GRM8: variants seen among roughly 807,000 people sequenced by gnomAD.
GRM8 encodes the protein metabotropic glutamate receptor 8.
A neutral mutation model predicts 87.2 loss-of-function variants in GRM8; 47 were observed. That is an observed-to-expected ratio of 0.54 (90% CI 0.43 to 0.69). The LOEUF (loss-of-function observed/expected upper bound fraction) is 0.69. Among genes scored for constraint, GRM8 ranks in the 30% least tolerant of loss-of-function variants. The pLI is 0.00. For missense variants in GRM8, 1,019 were observed against 1,139.2 expected (o/e 0.89, Z 1.52); for synonymous variants, 396 against 404.5 (o/e 0.98, Z 0.25).
intron 7 of GRM8, among the ~76,000 whole-genome samples, chr7:126,689,500 A>G (rs1808564839): frequency 6.6e-6 from 1 of 152,218 alleles, no homozygotes; most frequent in African/African-American, 2.4e-5. Context: ...AGTAGCCTCA[A>G]TTTCTCAACT....
intron 3 of GRM8, among the ~76,000 whole-genome samples, chr7:127,021,375 T>C (rs911799279): frequency 7.1e-6 from 1 of 140,368 alleles, no homozygotes; most frequent in Non-Finnish European, 1.5e-5. Flanking sequence ...CTCAGAAATA[T>C]AATAAGCCCA....
chr7:127,008,627 T>C (rs934706235), intron 3 of GRM8, among the ~76,000 whole-genome samples: 1 of 152,134 alleles, frequency 6.6e-6, no homozygotes, highest in African/African-American at 2.4e-5. Context: ...CTTGTTTTTG[T>C]CTTGTAATGG....
chr7:126,888,988 C>T (rs1160681697), intron 6 of GRM8, among the ~76,000 whole-genome samples: 1 of 152,092 alleles, frequency 6.6e-6, no homozygotes, highest in Non-Finnish European at 1.5e-5. Context: ...AATGACATCA[C>T]CTATTTGTCA....
chr7:127,040,739 T>G (rs1297265996), intron 3 of GRM8, among the ~76,000 whole-genome samples: 2 of 152,052 alleles, frequency 1.3e-5, no homozygotes, highest in African/African-American at 4.8e-5. Flanking sequence ...GTGTTGGGAG[T>G]TTGGTCCCAA....
intron 8 of GRM8, among the ~76,000 whole-genome samples, chr7:126,545,986 C>G (rs952390346): frequency 3.9e-5 from 6 of 152,078 alleles, no homozygotes; most frequent in Non-Finnish European, 8.8e-5. Context: ...TATGACTCAA[C>G]GTTCATTTAA....
intron 3 of GRM8, among the ~76,000 whole-genome samples, chr7:127,051,344 CAA>C (rs11311935): frequency 1.3e-5 from 2 of 150,856 alleles, no homozygotes; most frequent in African/African-American, 2.4e-5. Context: ...CCCTTCGTGG[CAA>C]AAAAAAAACC....
intron 10 of GRM8, among the ~76,000 whole-genome samples, chr7:126,441,045 T>C (rs1801418091): frequency 6.6e-6 from 1 of 152,022 alleles, no homozygotes; most frequent in Non-Finnish European, 1.5e-5. Flanking sequence ...TAAAAAATAT[T>C]TTTTACTACC....
At chr7:126,506,376 T>C (rs530862211) in intron 9 of GRM8, among the ~76,000 whole-genome samples, 2 of 152,110 alleles carry the variant, frequency 1.3e-5, no homozygotes, top group African/African-American at 4.8e-5. Flanking sequence ...CCTACAAAAC[T>C]CTTACCTTCA....
intron 7 of GRM8, among the ~76,000 whole-genome samples, chr7:126,625,054 A>G (rs1419489): frequency 0.32 from 48,663 of 152,036 alleles, 8,411 homozygotes; most frequent in East Asian, 0.43. Flanking sequence ...TAACATCCAA[A>G]TATCTAGTGA....
intron 3 of GRM8, among the ~76,000 whole-genome samples, chr7:127,086,257 C>T (rs751804098): frequency 1.1e-4 from 17 of 152,162 alleles, no homozygotes; most frequent in Admixed American, 7.2e-4. Flanking sequence ...CACGCCACCA[C>T]ACCCATCTAA....
chr7:126,797,923 G>A (rs1464152782), intron 6 of GRM8, among the ~76,000 whole-genome samples: 1 of 151,988 alleles, frequency 6.6e-6, no homozygotes, highest in African/African-American at 2.4e-5. Context: ...GTAAGATGGA[G>A]ACAACAAATA....
intron 3 of GRM8, among the ~76,000 whole-genome samples, chr7:127,071,262 A>T (rs2299529): frequency 0.35 from 52,743 of 152,078 alleles, 9,582 homozygotes; most frequent in Non-Finnish European, 0.41. Flanking sequence ...AAACGGAATC[A>T]CAAAAGATTT....
chr7:126,928,081 C>T (rs112047617), intron 3 of GRM8, among the ~76,000 whole-genome samples: 18 of 152,012 alleles, frequency 1.2e-4, no homozygotes, highest in Admixed American at 5.2e-4. Flanking sequence ...ACATGGATGA[C>T]GCTGGAAATC....
chr7:126,959,545 G>A (rs1465550745), intron 3 of GRM8, among the ~76,000 whole-genome samples: 1 of 152,122 alleles, frequency 6.6e-6, no homozygotes, highest in African/African-American at 2.4e-5. Flanking sequence ...CTTTTGCAAG[G>A]AAAATGTATA....
chr7:127,122,626 G>T (rs1170973464), intron 2 of GRM8, among the ~76,000 whole-genome samples: 2 of 151,878 alleles, frequency 1.3e-5, no homozygotes, highest in Non-Finnish European at 2.9e-5. Flanking sequence ...AAATGGAGGA[G>T]ATTTAAAGTA....
chr7:126,785,360 A>G (rs1277995669), intron 6 of GRM8, among the ~76,000 whole-genome samples: 2 of 152,074 alleles, frequency 1.3e-5, no homozygotes, highest in African/African-American at 4.8e-5. Flanking sequence ...GGCTGCTGCA[A>G]TTTGACTTCT....
Position 126,685,091 on chromosome 7 carries a change from C to T in GRM8, c.1358-75593G>A, listed in dbSNP as rs934382055. ...GCTGACTGCACTGCCCCCACCTTCA[C>T]GCAGCCGGGCAGTACCCACTCCAGG... On this transcript the variant is annotated intron_variant, in intron 7 of 10. Coordinates refer to ENST00000339582, the MANE Select transcript of GRM8 (RefSeq NM_000845.3). The surrounding 1 kb of genome is among the most constrained non-coding windows in gnomAD (Gnocchi z 4.2). Among the ~76,000 whole-genome samples, 9 of 152,190 alleles carry T rather than the reference C, an allele frequency of 5.9e-5. No homozygotes were observed. The highest frequency in any genetic ancestry group is 3.9e-4 in the Admixed American group (6 of 15,286).
chr7:127,128,148 C>T (rs1375411383), intron 2 of GRM8, among the ~76,000 whole-genome samples: 1 of 152,086 alleles, frequency 6.6e-6, no homozygotes, highest in African/African-American at 2.4e-5. Flanking sequence ...TGTAGCTACT[C>T]ACCCAATGAT....
At chr7:127,192,679 G>A (rs1358319300) in intron 2 of GRM8, among the ~76,000 whole-genome samples, 3 of 152,202 alleles carry the variant, frequency 2.0e-5, no homozygotes, top group African/African-American at 4.8e-5. Flanking sequence ...TGAAGGTCAT[G>A]TTCTACGCAA....
Sources: allele counts gnomAD v4.1 joint callset (sites outside exome capture counted in the v4.1 genomes callset), GRCh38; gene constraint gnomAD v4.1.1; non-coding constraint Gnocchi (gnomAD v3.1); transcripts MANE v1.5; gene names NCBI Gene and HGNC (gene_info 2026-07-23, HGNC 2026-07-21).